The following GPC5 variants were observed in gnomAD, a reference collection of about 807,000 sequenced individuals.
GPC5 encodes glypican-5.
A neutral mutation model predicts 53.9 loss-of-function variants in GPC5; 47 were observed. The observed-to-expected ratio is 0.87, with a 90% CI of 0.69 to 1.11. GPC5 has a LOEUF of 1.11. GPC5 is among the 50% of genes most tolerant of loss of function. The probability of loss-of-function intolerance (pLI) is 0.00; values close to 1 mark genes in which losing one functional copy is unlikely to be tolerated. For missense variants in GPC5, 748 were observed against 713.1 expected, an observed-to-expected ratio of 1.05 and a Z score of -0.56; for synonymous variants, 286 against 263.3, an observed-to-expected ratio of 1.09 and a Z score of -0.84.
At chr13:91,795,013 T>G (rs2038024594) in intron 5 of GPC5, among the ~76,000 whole-genome samples, 1 of 152,130 alleles carries the variant, frequency 6.6e-6, no homozygotes, top group South Asian at 2.1e-4. Context: ...TTAATTTTAT[T>G]TAATGAAGAA....
At chr13:92,037,558 A>C (rs993591693) in intron 6 of GPC5, among the ~76,000 whole-genome samples, 1 of 151,992 alleles carries the variant, frequency 6.6e-6, no homozygotes, top group Non-Finnish European at 1.5e-5. Context: ...ATTTGCATTT[A>C]CCCCGCTGGA....
chr13:92,500,534 C>T (rs1012482153), intron 7 of GPC5, among the ~76,000 whole-genome samples: 1 of 152,178 alleles, frequency 6.6e-6, no homozygotes, highest in Non-Finnish European at 1.5e-5. Flanking sequence ...CTTGTTATAG[C>T]TCAAAGAGGA....
chr13:92,107,548 G>C (rs759460479), intron 6 of GPC5, among the ~76,000 whole-genome samples: 4 of 151,964 alleles, frequency 2.6e-5, no homozygotes, highest in Non-Finnish European at 4.4e-5. Context: ...GCACTTCCTT[G>C]AGTTTCTTTA....
chr13:91,959,317 T>C (rs780217553), intron 6 of GPC5, among the ~76,000 whole-genome samples: 20 of 145,646 alleles, frequency 1.4e-4, no homozygotes, highest in Non-Finnish European at 2.9e-4. Flanking sequence ...AATGGATAAA[T>C]TATACATACA....
chr13:92,198,738 G>A (rs1259213488), intron 7 of GPC5, among the ~76,000 whole-genome samples: 1 of 152,078 alleles, frequency 6.6e-6, no homozygotes, highest in Non-Finnish European at 1.5e-5. Context: ...TACAATCTTT[G>A]CAAGTAAATT....
intron 5 of GPC5, among the ~76,000 whole-genome samples, chr13:91,779,384 AG>A (rs1215855033): frequency 1.3e-5 from 2 of 152,000 alleles, no homozygotes; most frequent in Non-Finnish European, 2.9e-5. Context: ...GTTTTGAAAC[AG>A]GGTCTCATGT....
intron 7 of GPC5, among the ~76,000 whole-genome samples, chr13:92,816,487 A>C (rs781376161): frequency 6.6e-6 from 1 of 152,044 alleles, no homozygotes; most frequent in Non-Finnish European, 1.5e-5. Context: ...CATTTCGGAA[A>C]GATTTAGCTA....
rs553418691 is a variant in GPC5 at position 91,398,942 on chromosome 13, C to G, written c.-105C>G. Reference sequence around the variant, plus strand: ...CCGTACACCCCGCAGCCGGCTCGCACCGCTCGAGAGCCTCGGCCGCTGTGT... The same window carrying G: ...CCGTACACCCCGCAGCCGGCTCGCAGCGCTCGAGAGCCTCGGCCGCTGTGT... On this transcript the variant is annotated 5_prime_UTR_variant, in exon 1 of 8. Transcript: ENST00000377067. 2 of 1,418,682 alleles carry G rather than the reference C, an allele frequency of 1.4e-6. No individual in the cohort carries two copies. Among genetic ancestry groups the G allele is most frequent in the South Asian group, 2.9e-5 (2 of 69,670 alleles). 87.9% of individuals were successfully genotyped at this position (1,418,682 alleles called of 1,614,324 possible).
intron 7 of GPC5, among the ~76,000 whole-genome samples, chr13:92,296,603 A>G (rs1444738144): frequency 6.6e-6 from 1 of 151,862 alleles, no homozygotes; most frequent in Admixed American, 6.6e-5. Context: ...GCACTGTGGG[A>G]GCCCCTTTCT....
At chr13:92,008,313 C>T (rs1216559677) in intron 6 of GPC5, among the ~76,000 whole-genome samples, 1 of 152,052 alleles carries the variant, frequency 6.6e-6, no homozygotes, top group East Asian at 1.9e-4. Context: ...CCGCCCGCCT[C>T]GGCCTCCCAA....
intron 7 of GPC5, among the ~76,000 whole-genome samples, chr13:92,337,133 G>C (rs190356751): frequency 6.6e-6 from 1 of 151,558 alleles, no homozygotes; most frequent in Non-Finnish European, 1.5e-5. Context: ...TTCCTGTATA[G>C]CTCTAGTGAA....
intron 6 of GPC5, among the ~76,000 whole-genome samples, chr13:91,997,392 G>A (rs2040513268): frequency 6.6e-6 from 1 of 151,996 alleles, no homozygotes; most frequent in Non-Finnish European, 1.5e-5. Context: ...TTTCCATCAG[G>A]TTTTCAGCCT....
At chr13:92,147,677 T>G (rs2041878233) in intron 7 of GPC5, among the ~76,000 whole-genome samples, 1 of 152,016 alleles carries the variant, frequency 6.6e-6, no homozygotes, top group Admixed American at 6.6e-5. Flanking sequence ...TTGGGCGATT[T>G]AAGAGAGATG....
intron 2 of GPC5, among the ~76,000 whole-genome samples, chr13:91,604,016 T>C (rs1461315083): frequency 6.6e-6 from 1 of 150,854 alleles, no homozygotes; most frequent in Admixed American, 6.6e-5. Context: ...GTTAGTTACA[T>C]ATGTATACAT....
chr13:91,977,955 AAAAG>A (rs71200555), intron 6 of GPC5, among the ~76,000 whole-genome samples: 4,513 of 142,850 alleles, frequency 0.032, 221 homozygotes, highest in African/African-American at 0.11. Context: ...TCTAAAAGAA[AAAAG>A]AAAGAAAGAA....
At chr13:92,421,698 C>CAAAAAAAAAAAAAAAAAAAAAAAAAA (rs34055682) in intron 7 of GPC5, among the ~76,000 whole-genome samples, 12 of 69,486 alleles carry the variant, frequency 1.7e-4, no homozygotes, top group East Asian at 8.9e-4. Context: ...GACTCCGTCT[C>CAAAAAAAAAAAAAAAAAAAAAAAAAA]AAAAAAAAAA....
intron 1 of GPC5, among the ~76,000 whole-genome samples, chr13:91,432,205 GTGTGTGTGTGT>G (rs1248184090): frequency 1.3e-4 from 15 of 119,556 alleles, no homozygotes; most frequent in Admixed American, 5.1e-4. Flanking sequence ...TGCTGCTGCT[GTGTGTGTGTGT>G]GTGTGTGTGT....
intron 7 of GPC5, among the ~76,000 whole-genome samples, chr13:92,269,734 C>G (rs1050271158): frequency 1.3e-5 from 2 of 152,124 alleles, no homozygotes; most frequent in South Asian, 4.1e-4. Context: ...TAAATCCTAA[C>G]CCCATTACAG....
At chr13:92,382,713 T>C (rs2139309902) in intron 7 of GPC5, among the ~76,000 whole-genome samples, 1 of 152,076 alleles carries the variant, frequency 6.6e-6, no homozygotes, top group East Asian at 1.9e-4. Flanking sequence ...ATGCACATCA[T>C]AAGAAATCGC....
Sources: gnomAD v4.1 joint callset for allele counts (sites outside exome capture counted in the v4.1 genomes callset) on GRCh38, gnomAD v4.1.1 for gene constraint, MANE v1.5 for transcripts, NCBI Gene and HGNC (gene_info 2026-07-23, HGNC 2026-07-21) for gene names.